Variants in NCKAP5 observed in about 807,000 individuals in gnomAD.
NCKAP5 encodes nck-associated protein 5.
A neutral mutation model predicts 167.0 loss-of-function variants in NCKAP5; 92 were observed. The ratio of observed to expected loss-of-function variants is 0.55; its 90% CI spans 0.47 to 0.66. NCKAP5 has a LOEUF of 0.66. Ranked by LOEUF, NCKAP5 falls within the 30% of genes least tolerant of loss-of-function variation. The probability of loss-of-function intolerance (pLI) is 0.00; values close to 1 mark genes in which losing one functional copy is unlikely to be tolerated. For missense variants in NCKAP5, 2,378 were observed against 2,315.0 expected, an observed-to-expected ratio of 1.03 and a Z score of -0.56; for synonymous variants, 891 against 877.4, an observed-to-expected ratio of 1.02 and a Z score of -0.27.
At chr2:132,739,598 G>GA (rs1691833065) in intron 16 of NCKAP5, among the ~76,000 whole-genome samples, 1 of 152,134 alleles carries the variant, frequency 6.6e-6, no homozygotes, top group Non-Finnish European at 1.5e-5. Flanking sequence ...GAGGGCCCCT[G>GA]TAGGTACATA....
chr2:133,002,175 C>A (rs2077806785), intron 6 of NCKAP5, among the ~76,000 whole-genome samples: 1 of 152,122 alleles, frequency 6.6e-6, no homozygotes, highest in African/African-American at 2.4e-5. Context: ...TCTTCTAGAT[C>A]CAGGCTTTAT....
At chr2:133,430,424 G>A (rs1208282111) in intron 3 of NCKAP5, among the ~76,000 whole-genome samples, 1 of 152,006 alleles carries the variant, frequency 6.6e-6, no homozygotes, top group Non-Finnish European at 1.5e-5. Context: ...TGTTTTTGGA[G>A]TCTTCATCAT....
At position 132,925,491 on chromosome 2, in the gene NCKAP5, G is replaced by A. The variant is rs1315958405; in HGVS notation, c.579+38229C>T. On this transcript the variant is annotated intron_variant, in intron 8 of 19. Coordinates refer to ENST00000409261, the MANE Select transcript of NCKAP5 (RefSeq NM_207363.3). ...GCAGGAGAATGGCGTGAACCTGGGA[G>A]GCGGAGTTTGCAGTAATCCAAGATT... is the stretch of plus-strand genomic sequence containing the variant. 2.6e-5 allele frequency among the ~76,000 whole-genome samples: 4 copies of A among 151,120 alleles called. 1 individual carries two copies. Among genetic ancestry groups the A allele is most frequent in the Admixed American group, 2.6e-4 (4 of 15,114 alleles).
At chr2:132,901,933 T>A (rs985297815) in intron 8 of NCKAP5, among the ~76,000 whole-genome samples, 13 of 152,222 alleles carry the variant, frequency 8.5e-5, no homozygotes, top group African/African-American at 3.1e-4. Flanking sequence ...TTATTCAAAC[T>A]TCTAGTTGAC....
chr2:132,752,356 T>C (rs1387566585), intron 16 of NCKAP5, among the ~76,000 whole-genome samples: 4 of 152,370 alleles, frequency 2.6e-5, no homozygotes, highest in African/African-American at 9.6e-5. Context: ...AGTTTTGAAT[T>C]CAGACTCAGT....
At chr2:133,119,785 G>A (rs1434520937) in intron 6 of NCKAP5, among the ~76,000 whole-genome samples, 1 of 151,440 alleles carries the variant, frequency 6.6e-6, no homozygotes, top group Non-Finnish European at 1.5e-5. Flanking sequence ...CTGGGTTGGG[G>A]TCCACATAGC....
chr2:133,333,551 T>A lies in NCKAP5; in HGVS notation c.70-30441A>T, dbSNP rs531960503. Among the ~76,000 whole-genome samples the A allele has an allele frequency of 7.0e-4, 106 of 152,260 alleles. 2 individuals are homozygous for A. The South Asian group carries it at 7.1e-3, about 10-fold the overall frequency. ...CGGTCCTACCTTTCTACAGCTACTATCCACATTAGCCACACTCTGTCACCT... is the reference window on the plus strand; with the variant it reads ...CGGTCCTACCTTTCTACAGCTACTAACCACATTAGCCACACTCTGTCACCT... On this transcript the variant is annotated intron_variant, in intron 3 of 19. Transcript: ENST00000409261.
At chr2:132,706,443 G>A (rs932509424) in intron 19 of NCKAP5, among the ~76,000 whole-genome samples, 4 of 152,204 alleles carry the variant, frequency 2.6e-5, no homozygotes, top group Non-Finnish European at 1.5e-5. Flanking sequence ...TGAACAATGA[G>A]AGGCTGTATT....
intron 8 of NCKAP5, among the ~76,000 whole-genome samples, chr2:132,932,014 C>G (rs1696417656): frequency 6.6e-6 from 1 of 152,208 alleles, no homozygotes. Flanking sequence ...TATGGAGTTA[C>G]TGACCTACAG....
In NCKAP5 at chr2:132,782,600, A is replaced by G; in HGVS notation, c.4211T>C (p.Leu1404Pro). 1 of 1,589,586 alleles carries G rather than the reference A, an allele frequency of 6.3e-7. No individual in the cohort carries two copies. The highest frequency in any genetic ancestry group is 8.6e-7 in the Non-Finnish European group (1 of 1,167,610). ...GCGGCGGTCACTGCCTGGTTCCCCA[A>G]GTACAGCCACATTGGCACTGGGGCA... The part of the protein sequence containing the change: ...GECPSANVAV[L>P]GEPGSDRRSC... Residue 1404 changes from leucine (L) to proline (P), a missense_variant, in exon 14 of 20, where the codon CTT (leucine) becomes CCT (proline). Physicochemically the swap from Leu to Pro is moderately conservative, Grantham distance 98. This residue lies in a region of NCKAP5 where 1,325 missense variants were observed against 1,274.5 expected (regional missense o/e 1.04). Coordinates refer to ENST00000409261, the MANE Select transcript of NCKAP5 (RefSeq NM_207363.3).
the NCKAP5 span, among the ~76,000 whole-genome samples, chr2:133,579,435 G>A: frequency 9.2e-5 from 14 of 152,222 alleles, no homozygotes; most frequent in Admixed American, 8.5e-4. Flanking sequence ...AATGGAACAT[G>A]AGAAGAGTGA....
At position 132,843,065 on chromosome 2, in the gene NCKAP5, C is replaced by A. The variant is rs182458454; in HGVS notation, c.807+17427G>T. Among the ~76,000 whole-genome samples, 49 of 152,142 alleles carry A rather than the reference C, an allele frequency of 3.2e-4. No individual in the cohort carries two copies. In the East Asian group the frequency reaches 5.6e-3, roughly 17 times the overall value. On this transcript the variant is annotated intron_variant, in intron 11 of 19. Transcript: ENST00000409261. Reference sequence around the variant, plus strand: ...ATTAGCTTATTATCAGATAGTTGGCCTGTATAATCTACATGTTTTTAAATT... The same window carrying A: ...ATTAGCTTATTATCAGATAGTTGGCATGTATAATCTACATGTTTTTAAATT...
intron 8 of NCKAP5, among the ~76,000 whole-genome samples, chr2:132,914,610 C>T (rs1056637410): frequency 1.3e-5 from 2 of 151,968 alleles, no homozygotes; most frequent in African/African-American, 4.8e-5. Context: ...CAGGAGAGAA[C>T]TGAGAACACA....
chr2:133,328,425 C>T (rs1682603968), intron 3 of NCKAP5, among the ~76,000 whole-genome samples: 3 of 152,218 alleles, frequency 2.0e-5, no homozygotes, highest in Middle Eastern at 6.8e-3. Context: ...AGATTTAAAA[C>T]TTAATACATT....
At chr2:133,200,729 C>T (rs373552234) in intron 5 of NCKAP5, among the ~76,000 whole-genome samples, 3 of 152,248 alleles carry the variant, frequency 2.0e-5, no homozygotes, top group African/African-American at 4.8e-5. Context: ...CAGACTGATA[C>T]GTTTACAAAA....
intron 3 of NCKAP5, among the ~76,000 whole-genome samples, chr2:133,445,665 T>C (rs1476665418): frequency 6.6e-6 from 1 of 152,100 alleles, no homozygotes; most frequent in Admixed American, 6.6e-5. Context: ...TATAATTAAA[T>C]TGCGATTCCA....
chr2:133,104,136 T>C (rs938950511), intron 6 of NCKAP5, among the ~76,000 whole-genome samples: 3 of 151,024 alleles, frequency 2.0e-5, no homozygotes, highest in African/African-American at 7.3e-5. Flanking sequence ...GGGAAAACTA[T>C]AGATCTAAAA....
chr2:132,802,040 A>AGC (rs1441695046), intron 11 of NCKAP5, among the ~76,000 whole-genome samples: 4 of 152,206 alleles, frequency 2.6e-5, no homozygotes, highest in African/African-American at 9.6e-5. Context: ...AGACTCCCGA[A>AGC]GTGCTAGGAT....
At chr2:133,439,594 C>T (rs929471075) in intron 3 of NCKAP5, among the ~76,000 whole-genome samples, 3 of 152,140 alleles carry the variant, frequency 2.0e-5, no homozygotes, top group African/African-American at 4.8e-5. Context: ...GCAAAGTAAA[C>T]ATACAAATGT....
Sources: allele counts gnomAD v4.1 joint callset (sites outside exome capture counted in the v4.1 genomes callset), GRCh38; gene constraint gnomAD v4.1.1; regional missense constraint gnomAD v4.1.1; transcripts MANE v1.5; gene names NCBI Gene and HGNC (gene_info 2026-07-23, HGNC 2026-07-21).